The following AGO4 variants were observed in gnomAD, a reference collection of about 807,000 sequenced individuals.
AGO4 encodes argonaute RISC component 4.
In AGO4, 33 loss-of-function variants were observed where a neutral mutation model predicts 104.7. The ratio of observed to expected loss-of-function variants is 0.32; its 90% CI spans 0.24 to 0.42. The LOEUF is 0.42. AGO4 is among the 10% of genes least tolerant of loss of function. The pLI is 1.00. For missense variants in AGO4, 711 were observed against 1,083.4 expected (o/e 0.66, Z 4.83); for synonymous variants, 331 against 364.7 (o/e 0.91, Z 1.05).
chr1:35,851,070 C>T lies in AGO4; in HGVS notation c.2477+17C>T. The stretch of plus-strand genomic sequence containing the variant: ...TCATGACAGGCAAGTTTCTTAGGCA[C>T]AATAAAGTCTCTTTATATTTTAGTA... On this transcript the variant is annotated intron_variant, in intron 17 of 17. Transcript: ENST00000373210. 3 of 1,585,812 alleles carry T rather than the reference C, an allele frequency of 1.9e-6. No homozygotes were observed. Among genetic ancestry groups the T allele is most frequent in the Non-Finnish European group, 1.7e-6 (2 of 1,164,404 alleles).
chr1:35,832,545 A>C lies in AGO4; in HGVS notation c.1354A>C (p.Lys452Gln). The change falls in exon 11 of 18, where the codon AAA becomes CAA. Residue 452 changes from lysine to glutamine, a missense_variant. By Grantham distance (53) the Lys-to-Gln change is moderately conservative. This residue lies in a region of AGO4 where 401 missense variants were observed against 665.5 expected (regional missense o/e 0.60). Transcript: ENST00000373210. ...GGCAGTTGCTTGTTTTGCACCTCAG[A>C]AACAATGTAGGGAAGATTTACTAAA... ...VWAVACFAPQ[K>Q]QCREDLLKSF... 1 of 1,613,280 alleles carries C rather than the reference A, an allele frequency of 6.2e-7. No individual in the cohort carries two copies. The highest frequency in any genetic ancestry group is 8.5e-7 in the Non-Finnish European group (1 of 1,179,800).
chr1:35,826,633 T>G, intron 6 of AGO4, 115 bp from the exon 7 acceptor site: 2 of 936,732 alleles, frequency 2.1e-6, no homozygotes, highest in South Asian at 1.4e-5. Context: ...TGTCCCCATA[T>G]TCTTGCAATT....
rs751952450 is a variant in AGO4 at position 35,825,888 on chromosome 1, C to CT, written c.626-34dup. 26 of 1,607,520 alleles carry CT rather than the reference C, an allele frequency of 1.6e-5. No individual in the cohort carries two copies. The Admixed American group carries it at 4.3e-4, about 26-fold the overall frequency. Reference sequence around the variant, plus strand: ...TTTGTTTGTTTGTTTTGGCCCTTCCCTTTTCCCTGAAGTGAAGTATCCTTC... The same window carrying CT: ...TTTGTTTGTTTGTTTTGGCCCTTCCCTTTTTCCCTGAAGTGAAGTATCCTTC... On this transcript the variant is annotated intron_variant, in intron 5 of 17. Coordinates refer to ENST00000373210, the MANE Select transcript of AGO4 (RefSeq NM_017629.4).
intron 9 of AGO4, 61 bp from the exon 10 acceptor site, chr1:35,831,996 A>C (rs1644197019): frequency 1.9e-6 from 3 of 1,603,884 alleles, no homozygotes; most frequent in Admixed American, 3.5e-5. Flanking sequence ...AGAATAGAAA[A>C]CTCCTCCTGG....
At chr1:35,831,000 C>T (rs1398277791) in intron 7 of AGO4, among the ~76,000 whole-genome samples, 4 of 149,516 alleles carry the variant, frequency 2.7e-5, no homozygotes, top group Admixed American at 6.7e-5. Context: ...AAAGATTGAC[C>T]TTTGTTTTTT....
intron 2 of AGO4, among the ~76,000 whole-genome samples, chr1:35,818,641 GAA>G (rs1557552079): frequency 1.0e-5 from 1 of 99,884 alleles, no homozygotes; most frequent in African/African-American, 3.7e-5. Flanking sequence ...AAGAAAGAAA[GAA>G]AGAAAGAAAG....
chr1:35,821,090 A>G (rs1334568393), intron 2 of AGO4, among the ~76,000 whole-genome samples: 1 of 152,182 alleles, frequency 6.6e-6, no homozygotes, highest in Non-Finnish European at 1.5e-5. Flanking sequence ...TATGAGGACC[A>G]TAATCATTTT....
chr1:35,842,127 A>G (rs1324275144), intron 15 of AGO4, among the ~76,000 whole-genome samples: 1 of 152,132 alleles, frequency 6.6e-6, no homozygotes, highest in Non-Finnish European at 1.5e-5. Flanking sequence ...TTTATCTTCC[A>G]AATAATTTTA....
At chr1:35,812,357 T>C (rs894875504) in intron 1 of AGO4, among the ~76,000 whole-genome samples, 1 of 152,206 alleles carries the variant, frequency 6.6e-6, no homozygotes, top group African/African-American at 2.4e-5. Context: ...TTGCCACTTC[T>C]TAATCGTTTT....
In AGO4 at chr1:35,856,810, ACT is replaced by A. The variant is rs1189479545; in HGVS notation, c.*3208_*3209del. 3 of 99,060 alleles carry A rather than the reference ACT, an allele frequency of 3.0e-5. No homozygotes were observed. Among genetic ancestry groups the A allele is most frequent in the African/African-American group, 1.2e-4 (3 of 24,858 alleles). The allele number at this position is 99,060 out of a possible 1,614,324, so 6.1% of individuals were successfully genotyped here. On this transcript the variant is annotated 3_prime_UTR_variant, in exon 18 of 18. Transcript: ENST00000373210. ...CTCCAGCCTGGGCAACAAGAGCGAAACTCTGTCTCAAAAAAAAAAAGGGGGGG... is the reference window on the plus strand; with the variant it reads ...CTCCAGCCTGGGCAACAAGAGCGAAACTGTCTCAAAAAAAAAAAGGGGGGG...
rs1254554307 is a variant in AGO4 at position 35,857,490 on chromosome 1, G to C, written c.*3885G>C. 6.6e-6 allele frequency: 1 copy of C among 152,094 alleles called. No individual in the cohort carries two copies. The highest frequency in any genetic ancestry group is 2.4e-5 in the African/African-American group (1 of 41,402). 9.4% of individuals were successfully genotyped at this position (152,094 alleles called of 1,614,324 possible). A position where few individuals can be genotyped will look rare whatever the true frequency, so the allele number is the denominator to read the frequency against. On this transcript the variant is annotated 3_prime_UTR_variant, in exon 18 of 18. Coordinates refer to ENST00000373210, the MANE Select transcript of AGO4 (RefSeq NM_017629.4). Reference sequence around the variant, plus strand: ...TTTTAAAATGTATTTTATTAAATTTGGACTGGATGTATGTCTCTAGCAATA... The same window carrying C: ...TTTTAAAATGTATTTTATTAAATTTCGACTGGATGTATGTCTCTAGCAATA...
chr1:35,845,914 A>C (rs187680549), intron 15 of AGO4, among the ~76,000 whole-genome samples: 37 of 152,274 alleles, frequency 2.4e-4, no homozygotes, highest in Admixed American at 1.3e-3. Flanking sequence ...AGAAGCATCT[A>C]TCTGGAACAC....
At chr1:35,818,625 A>G (rs1275877396) in intron 2 of AGO4, among the ~76,000 whole-genome samples, 1 of 126,018 alleles carries the variant, frequency 7.9e-6, no homozygotes, top group African/African-American at 3.3e-5. Flanking sequence ...CTCTGTCTCA[A>G]AAAGAAAGAA....
At chr1:35,831,641 C>T in intron 8 of AGO4, 67 bp downstream of exon 8, 4 of 1,559,922 alleles carry the variant, frequency 2.6e-6, no homozygotes, top group Non-Finnish European at 3.5e-6. Context: ...AAGTAGAGTT[C>T]TAAACTAGTG....
rs901152874 is a variant in AGO4, at chr1:35,808,390, C to A, written c.-27C>A. 48 of 1,092,482 alleles carry A rather than the reference C, an allele frequency of 4.4e-5. No homozygotes were observed. Among genetic ancestry groups the A allele is most frequent in the Admixed American group, 5.2e-5 (1 of 19,130 alleles). 67.7% of individuals were successfully genotyped at this position (1,092,482 alleles called of 1,614,324 possible). On this transcript the variant is annotated 5_prime_UTR_variant, in exon 1 of 18. Coordinates refer to ENST00000373210, the MANE Select transcript of AGO4 (RefSeq NM_017629.4). This position sits in a 1 kb window ranked among gnomAD's most constrained non-coding sequence, Gnocchi z 5.2. ...GCCCGGAGCGGGAGGCGCCGGGGACCGGGGCGAGGCGGCCCCCGCCGCCGC... is the reference window on the plus strand; with the variant it reads ...GCCCGGAGCGGGAGGCGCCGGGGACAGGGGCGAGGCGGCCCCCGCCGCCGC...
intron 2 of AGO4, among the ~76,000 whole-genome samples, chr1:35,818,359 C>G (rs1421139622): frequency 1.3e-5 from 2 of 152,154 alleles, no homozygotes; most frequent in Non-Finnish European, 2.9e-5. Flanking sequence ...CGTGATGGCT[C>G]ATGCCTGTAA....
intron 17 of AGO4, among the ~76,000 whole-genome samples, chr1:35,853,282 G>C (rs1644749941): frequency 6.6e-6 from 1 of 150,572 alleles, no homozygotes; most frequent in Non-Finnish European, 1.5e-5. Context: ...ATTCAGTTGA[G>C]TCAACTGATA....
At chr1:35,850,783 A>C in intron 16 of AGO4, 71 bp from the exon 17 acceptor site, 3 of 762,594 alleles carry the variant, frequency 3.9e-6, no homozygotes, top group African/African-American at 2.4e-5. Flanking sequence ...TCCATCTCAA[A>C]AAAAAAAAAA....
At chr1:35,826,343 T>C (rs951842986) in intron 6 of AGO4, among the ~76,000 whole-genome samples, 1 of 152,240 alleles carries the variant, frequency 6.6e-6, no homozygotes, top group African/African-American at 2.4e-5. Context: ...GTAAATGCTA[T>C]GCTTACCCAC....
Sources: gnomAD v4.1 joint callset for allele counts (sites outside exome capture counted in the v4.1 genomes callset) on GRCh38, gnomAD v4.1.1 for gene constraint, gnomAD v4.1.1 regional missense constraint, Gnocchi (gnomAD v3.1) non-coding constraint, MANE v1.5 for transcripts, NCBI Gene and HGNC (gene_info 2026-07-23, HGNC 2026-07-21) for gene names.